ERG: variants seen among roughly 807,000 people sequenced by gnomAD.
The protein encoded by ERG is ETS transcription factor ERG.
A neutral mutation model predicts 55.3 loss-of-function variants in ERG; 9 were observed. The observed-to-expected ratio is 0.16, with a 90% CI of 0.10 to 0.28. The LOEUF (loss-of-function observed/expected upper bound fraction) is 0.28, where lower values mean the gene tolerates loss of function less well. Ranked by LOEUF, ERG falls within the 10% of genes least tolerant of loss-of-function variation. The probability of loss-of-function intolerance (pLI) is 1.00; values close to 1 mark genes in which losing one functional copy is unlikely to be tolerated. For missense variants in ERG, 434 were observed against 631.6 expected, an observed-to-expected ratio of 0.69 and a Z score of 3.35; for synonymous variants, 223 against 237.3, an observed-to-expected ratio of 0.94 and a Z score of 0.55.
chr21:38,497,460 G>T (rs919417475), intron 1 of ERG, among the ~76,000 whole-genome samples: 6 of 152,130 alleles, frequency 3.9e-5, no homozygotes, highest in African/African-American at 1.4e-4. Context: ...CAAATGTCAC[G>T]AAGGCATGGT....
intron 1 of ERG, among the ~76,000 whole-genome samples, chr21:38,455,868 T>TCCC (rs200521885): frequency 5.7e-4 from 74 of 130,552 alleles, no homozygotes; most frequent in South Asian, 1.9e-3. Flanking sequence ...ATTGGTACGG[T>TCCC]CCCCCCCCTC....
At chr21:38,537,275 C>T (rs1413935695) in intron 2 of ERG, among the ~76,000 whole-genome samples, 1 of 151,992 alleles carries the variant, frequency 6.6e-6, no homozygotes, top group Non-Finnish European at 1.5e-5. Context: ...GAATATGACA[C>T]CAAAAGCACA....
At chr21:38,625,422 A>C (rs1253889998) in intron 1 of ERG, among the ~76,000 whole-genome samples, 1 of 152,168 alleles carries the variant, frequency 6.6e-6, no homozygotes, top group Admixed American at 6.5e-5. Flanking sequence ...ACAGGTATTC[A>C]TTGTACCATT....
the ERG span, among the ~76,000 whole-genome samples, chr21:38,374,114 T>A: frequency 5.3e-5 from 8 of 152,302 alleles, no homozygotes; most frequent in East Asian, 7.7e-4. Context: ...TGCTTATTAT[T>A]TGAATGGCTT....
At chr21:38,525,105 G>C (rs1908905505) in intron 2 of ERG, among the ~76,000 whole-genome samples, 1 of 152,100 alleles carries the variant, frequency 6.6e-6, no homozygotes, top group African/African-American at 2.4e-5. Flanking sequence ...TACAGAAAGA[G>C]ACAAGAAAAT....
chr21:38,440,311 G>A (rs577926567), intron 2 of ERG, among the ~76,000 whole-genome samples: 24 of 152,322 alleles, frequency 1.6e-4, no homozygotes, highest in African/African-American at 3.6e-4. Flanking sequence ...CACTCCTGGC[G>A]GGGCTCCTCC....
chr21:38,446,396 T>G (rs2058892705), intron 1 of ERG, among the ~76,000 whole-genome samples: 1 of 152,212 alleles, frequency 6.6e-6, no homozygotes, highest in South Asian at 2.1e-4. Flanking sequence ...TTTGTCATTG[T>G]TGGATCAATC....
the ERG span, among the ~76,000 whole-genome samples, chr21:38,371,800 G>T: frequency 6.6e-6 from 1 of 151,952 alleles, no homozygotes; most frequent in Non-Finnish European, 1.5e-5. Flanking sequence ...GCATTCATAA[G>T]AATAATTGGC....
chr21:38,621,063 T>C (rs1035365757), intron 1 of ERG, among the ~76,000 whole-genome samples: 6 of 152,144 alleles, frequency 3.9e-5, no homozygotes, highest in African/African-American at 1.4e-4. Flanking sequence ...TCAAGTAAAA[T>C]TTTGGATACA....
At chr21:38,525,641 A>C (rs1420890588) in intron 2 of ERG, among the ~76,000 whole-genome samples, 1 of 152,116 alleles carries the variant, frequency 6.6e-6, no homozygotes, top group Non-Finnish European at 1.5e-5. Context: ...TTACCTCCTA[A>C]ATGCTGTTAC....
chr21:38,376,071 G>A (rs1456257149), downstream of ERG, among the ~76,000 whole-genome samples: 1 of 152,166 alleles, frequency 6.6e-6, no homozygotes, highest in Non-Finnish European at 1.5e-5. Context: ...GAAAGCTATA[G>A]ACCCTCTGTT....
At chr21:38,613,652 C>T (rs918958891) in intron 1 of ERG, among the ~76,000 whole-genome samples, 2 of 152,204 alleles carry the variant, frequency 1.3e-5, no homozygotes, top group African/African-American at 4.8e-5. Flanking sequence ...CTCCTCTGAT[C>T]CATTCCAATC....
chr21:38,510,513 T>G (rs2059503328), intron 2 of ERG, among the ~76,000 whole-genome samples: 1 of 152,226 alleles, frequency 6.6e-6, no homozygotes, highest in Admixed American at 6.5e-5. Context: ...TTTTGCCTAA[T>G]CTGTAAATTG....
At chr21:38,646,595 T>C (rs2060458320) in intron 1 of ERG, among the ~76,000 whole-genome samples, 1 of 152,198 alleles carries the variant, frequency 6.6e-6, no homozygotes, top group Non-Finnish European at 1.5e-5. Context: ...TAAGTGATCC[T>C]GTCAGCTACA....
At position 38,382,858 on chromosome 21, in the gene ERG, T is replaced by G; in HGVS notation, c.*545A>C. The G allele has an allele frequency of 9.4e-7, 1 of 1,066,346 alleles. No homozygotes were observed. Among genetic ancestry groups the G allele is most frequent in the Non-Finnish European group, 1.1e-6 (1 of 879,626 alleles). The allele number at this position is 1,066,346 out of a possible 1,614,324, so 66.1% of individuals were successfully genotyped here. A position where few individuals can be genotyped will look rare whatever the true frequency, so the allele number is the denominator to read the frequency against. The stretch of plus-strand genomic sequence containing the variant: ...GTCCATCAAACGGAATGTATTTGAT[T>G]TCAACCAAAACAGCACATGCCATGC... On this transcript the variant is annotated 3_prime_UTR_variant, in exon 10 of 10. Coordinates refer to ENST00000288319, the MANE Select transcript of ERG (RefSeq NM_182918.4).
At position 38,382,543 on chromosome 21, in the gene ERG, A is replaced by C. The variant is rs2094535378; in HGVS notation, c.*860T>G. The C allele has an allele frequency of 7.1e-5, 76 of 1,065,832 alleles. No homozygotes were observed. Among genetic ancestry groups the C allele is most frequent in the Middle Eastern group, 4.2e-4 (1 of 2,406 alleles). The allele number at this position is 1,065,832 out of a possible 1,614,324, so 66.0% of individuals were successfully genotyped here. Reference sequence around the variant, plus strand: ...TCCATTACGCTGTGTCCTTTCTCCTAACACTGGGTTTGGTATAACACTGAC... The same window carrying C: ...TCCATTACGCTGTGTCCTTTCTCCTCACACTGGGTTTGGTATAACACTGAC... On this transcript the variant is annotated 3_prime_UTR_variant, in exon 10 of 10. Transcript: ENST00000288319.
At chr21:38,391,844 A>C (rs2146429920) in intron 7 of ERG, 129 bp from the exon 8 acceptor site, 756 of 654,074 alleles carry the variant, frequency 1.2e-3, no homozygotes, top group Non-Finnish European at 1.7e-3. Context: ...GAAGCATCTC[A>C]CGGTAAGGAA....
At chr21:38,485,959 G>A (rs1046345684) in intron 1 of ERG, among the ~76,000 whole-genome samples, 2 of 151,314 alleles carry the variant, frequency 1.3e-5, no homozygotes, top group African/African-American at 4.9e-5. Context: ...TTTGAGATGG[G>A]GTCTCGCTCT....
chr21:38,420,938 G>C (rs1398062552), intron 3 of ERG, among the ~76,000 whole-genome samples: 1 of 152,112 alleles, frequency 6.6e-6, no homozygotes, highest in Non-Finnish European at 1.5e-5. Context: ...TAAGGAGGAG[G>C]GCAAAGGGTG....
Sources: allele counts gnomAD v4.1 joint callset (sites outside exome capture counted in the v4.1 genomes callset), GRCh38; gene constraint gnomAD v4.1.1; transcripts MANE v1.5; gene names NCBI Gene and HGNC (gene_info 2026-07-23, HGNC 2026-07-21).